Variants in TRMT44 observed in about 807,000 individuals in gnomAD.
TRMT44 encodes the protein probable tRNA (uracil-O(2)-)-methyltransferase.
A neutral mutation model predicts 77.3 loss-of-function variants in TRMT44; 78 were observed. The ratio of observed to expected loss-of-function variants is 1.01; its 90% confidence interval spans 0.84 to 1.22. The LOEUF is 1.22. TRMT44 is among the 50% of genes most tolerant of loss of function. TRMT44 has a pLI of 0.00. For synonymous variants in TRMT44, 391 were observed against 383.3 expected, an observed-to-expected ratio of 1.02 and a Z score of -0.23; for missense variants, 1,090 against 964.4, an observed-to-expected ratio of 1.13 and a Z score of -1.73.
chr4:8,459,110 G>T (rs1725992653), intron 6 of TRMT44, among the ~76,000 whole-genome samples: 1 of 152,150 alleles, frequency 6.6e-6, no homozygotes, highest in Non-Finnish European at 1.5e-5. Context: ...GCTGAGGTTG[G>T]GGGATCACCT....
the TRMT44 span, among the ~76,000 whole-genome samples, chr4:8,499,985 TC>T: frequency 6.6e-6 from 1 of 152,228 alleles, no homozygotes; most frequent in Non-Finnish European, 1.5e-5. Flanking sequence ...TCCCATCACT[TC>T]GGGAGGCCAA....
downstream of TRMT44, chr4:8,479,594 C>T (rs1727550348): frequency 6.6e-6 from 1 of 152,058 alleles, no homozygotes; most frequent in Non-Finnish European, 1.5e-5. Flanking sequence ...AAAGAGAAAA[C>T]ATGCTTCAGC....
intron 7 of TRMT44, among the ~76,000 whole-genome samples, chr4:8,465,042 C>T (rs758266383): frequency 5.3e-5 from 8 of 152,106 alleles, no homozygotes; most frequent in Non-Finnish European, 1.5e-5. Flanking sequence ...AAGATGGCAG[C>T]AGTAGACACT....
intron 8 of TRMT44, among the ~76,000 whole-genome samples, chr4:8,466,428 C>T (rs540123070): frequency 2.4e-4 from 37 of 152,318 alleles, no homozygotes; most frequent in African/African-American, 4.8e-4. Flanking sequence ...GAGCCCACAG[C>T]GGGGAGGGCA....
At chr4:8,485,612 T>G (rs909840632) in intron 2 of TRMT44, among the ~76,000 whole-genome samples, 1 of 152,040 alleles carries the variant, frequency 6.6e-6, no homozygotes, top group Non-Finnish European at 1.5e-5. Flanking sequence ...AGATGTCCCA[T>G]ACTTGTGGGT....
chr4:8,513,388 C>G, the TRMT44 span, among the ~76,000 whole-genome samples: 2 of 152,198 alleles, frequency 1.3e-5, no homozygotes, highest in South Asian at 2.1e-4. Context: ...AGACTGGCCC[C>G]CATAATTCAA....
chr4:8,484,995 A>G (rs1322912173), intron 2 of TRMT44, among the ~76,000 whole-genome samples: 1 of 152,240 alleles, frequency 6.6e-6, no homozygotes, highest in Non-Finnish European at 1.5e-5. Context: ...ATGCTGAAGG[A>G]GCAGAAGTGT....
intron 9 of TRMT44, chr4:8,470,847 G>A (rs1381922243): frequency 4.8e-6 from 2 of 417,478 alleles, no homozygotes; most frequent in Non-Finnish European, 8.7e-6. Flanking sequence ...GTGCGGGCAT[G>A]GGGCATGTGT....
intron 1 of TRMT44, 54 bp downstream of exon 1, chr4:8,441,495 A>G: frequency 7.0e-7 from 1 of 1,435,432 alleles, no homozygotes; most frequent in Non-Finnish European, 9.1e-7. Flanking sequence ...GCATTCATAG[A>G]ACCTCGGGTC....
At chr4:8,468,604 G>A (rs1442056682) in intron 9 of TRMT44, 2 of 593,592 alleles carry the variant, frequency 3.4e-6, no homozygotes, top group Non-Finnish European at 6.0e-6. Flanking sequence ...CAAACATGCA[G>A]GTTTAGGGGC....
Position 8,468,085 on chromosome 4 carries a change from G to A in TRMT44, c.1666G>A (p.Gly556Ser), listed in dbSNP as rs372502016. ...VAAGSAGHCD[G>S]QQALDARVGC... Reference sequence around the variant, plus strand: ...TGCTGGCAGTGCTGGTCACTGTGACGGTCAGCAAGCTCTGGACGCCAGGGT... The same window carrying A: ...TGCTGGCAGTGCTGGTCACTGTGACAGTCAGCAAGCTCTGGACGCCAGGGT... The change falls in exon 9 of 11, where the codon GGT becomes AGT. Residue 556 changes from glycine to serine, a missense_variant. By Grantham distance (56) the Gly-to-Ser change is moderately conservative (BLOSUM62 0). Transcript: ENST00000389737. 4 of 1,613,790 alleles carry A rather than the reference G, an allele frequency of 2.5e-6. No individual in the cohort carries two copies. The highest frequency in any genetic ancestry group is 4.5e-5 in the East Asian group (2 of 44,886).
At chr4:8,482,351 A>G (rs1438243548) in intron 2 of TRMT44, 2 of 152,188 alleles carry the variant, frequency 1.3e-5, no homozygotes, top group African/African-American at 4.8e-5. Context: ...CCTCCTCTGG[A>G]TGCCACTCAC....
At chr4:8,468,378 G>C in intron 9 of TRMT44, 32 bp downstream of exon 9, 1 of 1,599,774 alleles carries the variant, frequency 6.3e-7, no homozygotes, top group Non-Finnish European at 8.6e-7. Context: ...GGAGGGGCTA[G>C]CACGCTCCCA....
chr4:8,472,301 A>G (rs985757517), intron 10 of TRMT44, among the ~76,000 whole-genome samples: 29 of 152,162 alleles, frequency 1.9e-4, no homozygotes, highest in African/African-American at 7.0e-4. Context: ...CAGCATTTGC[A>G]AAGAGCCAGG....
chr4:8,482,919 G>T (rs1002097397), intron 2 of TRMT44, among the ~76,000 whole-genome samples: 5 of 150,904 alleles, frequency 3.3e-5, no homozygotes, highest in Admixed American at 6.6e-5. Context: ...GGGGGGGGTG[G>T]TATGGAGAGA....
chr4:8,476,369 C>T lies in TRMT44; in HGVS notation c.*368C>T, dbSNP rs1429316681. On this transcript the variant is annotated 3_prime_UTR_variant, in exon 11 of 11. Coordinates refer to ENST00000389737, the MANE Select transcript of TRMT44 (RefSeq NM_152544.3). The stretch of plus-strand genomic sequence containing the variant: ...TCCGACGCCTGCCCCACCATGTCCA[C>T]ATCTGTGAAGAGGATGGGGCTCCTC... 5.0e-5 allele frequency: 14 copies of T among 278,064 alleles called. 1 individual carries two copies. The highest frequency in any genetic ancestry group is 6.2e-5 in the Non-Finnish European group (9 of 146,182). 17.2% of individuals were successfully genotyped at this position (278,064 alleles called of 1,614,324 possible).
chr4:8,458,459 CTTTTCTTTTTTT>C, intron 6 of TRMT44, among the ~76,000 whole-genome samples: 1 of 142,752 alleles, frequency 7.0e-6, no homozygotes, highest in African/African-American at 2.6e-5. Flanking sequence ...ATTTTCTTTT[CTTTTCTTTTTTT>C]TTTTTTTTTT....
intron 2 of TRMT44, among the ~76,000 whole-genome samples, chr4:8,490,045 C>T (rs760951959): frequency 1.7e-4 from 26 of 152,288 alleles, no homozygotes; most frequent in African/African-American, 6.0e-4. Context: ...CACTTGGACC[C>T]GTCAACCCCT....
At position 8,444,536 on chromosome 4, in the gene TRMT44, T is replaced by C. The variant is rs56343159; in HGVS notation, c.620-1940T>C. ...ACTTAGCCTCCCAAGCAGCTGGGATTACAGGCATGTGCCACGACGCCCAGC... is the reference window on the plus strand; with the variant it reads ...ACTTAGCCTCCCAAGCAGCTGGGATCACAGGCATGTGCCACGACGCCCAGC... On this transcript the variant is annotated intron_variant, in intron 1 of 10. Coordinates refer to ENST00000389737, the MANE Select transcript of TRMT44 (RefSeq NM_152544.3). This position sits in a 1 kb window ranked among gnomAD's most constrained non-coding sequence, Gnocchi z 4.0. Among the ~76,000 whole-genome samples the C allele has an allele frequency of 0.38, 57,693 of 151,828 alleles. 11,195 individuals are homozygous for C. Among genetic ancestry groups the C allele is most frequent in the South Asian group, 0.47 (2,270 of 4,820 alleles).
Sources: allele counts gnomAD v4.1 joint callset (sites outside exome capture counted in the v4.1 genomes callset), GRCh38; gene constraint gnomAD v4.1.1; non-coding constraint Gnocchi (gnomAD v3.1); transcripts MANE v1.5; gene names NCBI Gene and HGNC (gene_info 2026-07-23, HGNC 2026-07-21).